The following ACSF3 variants were observed in gnomAD, a reference collection of about 807,000 sequenced individuals.
The protein encoded by ACSF3 is acyl-CoA synthetase family member 3.
Under a neutral mutation model 53.2 loss-of-function variants are expected in ACSF3, and 78 were observed. That is an observed-to-expected ratio of 1.47 (90% CI 1.22 to 1.77). The LOEUF is 1.77. Among genes scored for constraint, ACSF3 ranks in the 40% most tolerant of loss-of-function variants. ACSF3 has a pLI of 0.00. For missense variants in ACSF3, 937 were observed against 771.1 expected, an observed-to-expected ratio of 1.22 and a Z score of -2.55; for synonymous variants, 414 against 333.1, an observed-to-expected ratio of 1.24 and a Z score of -2.65.
intron 3 of ACSF3, among the ~76,000 whole-genome samples, chr16:89,101,767 A>G (rs1363889433): frequency 3.9e-5 from 6 of 152,188 alleles, no homozygotes; most frequent in Admixed American, 2.0e-4. Context: ...GAACTCTCCA[A>G]CCACATCACT....
At chr16:89,131,197 A>G (rs1909253487) in intron 7 of ACSF3, among the ~76,000 whole-genome samples, 1 of 126,304 alleles carries the variant, frequency 7.9e-6, no homozygotes, top group Non-Finnish European at 1.5e-5. Context: ...GCAGGGCTGC[A>G]GTCTTGGTTC....
intron 8 of ACSF3, among the ~76,000 whole-genome samples, chr16:89,139,619 A>G (rs565449307): frequency 1.0e-4 from 13 of 125,218 alleles, no homozygotes; most frequent in African/African-American, 3.8e-4. Flanking sequence ...TTCGAGACAG[A>G]GTCTTGCTCT....
rs1335148800 is a variant in ACSF3, at chr16:89,118,142, T to G, written c.1127-2659T>G. ...ATTCCCTCGGGCGCCGGGGACGCTC[T>G]CTCTTCTCTAAGGCAGAGCCTGACG... On this transcript the variant is annotated intron_variant, in intron 6 of 10. Coordinates refer to ENST00000614302, the MANE Select transcript of ACSF3 (RefSeq NM_001243279.3). Among the ~76,000 whole-genome samples the G allele has an allele frequency of 6.4e-5, 4 of 62,646 alleles. No homozygotes were observed. In the East Asian group the frequency reaches 1.5e-3, roughly 23 times the overall value. 41.1% of individuals were successfully genotyped at this position (62,646 alleles called of 152,430 possible). A position where few individuals can be genotyped will look rare whatever the true frequency, so the allele number is the denominator to read the frequency against.
chr16:89,108,481 C>T (rs757932212), intron 4 of ACSF3, among the ~76,000 whole-genome samples: 22 of 152,192 alleles, frequency 1.4e-4, no homozygotes, highest in Admixed American at 5.9e-4. Context: ...ACAGTTCACA[C>T]ACCGCAAAAT....
chr16:89,136,926 G>A (rs1433559382), intron 8 of ACSF3: 5 of 1,192,914 alleles, frequency 4.2e-6, no homozygotes, highest in African/African-American at 1.6e-5. Context: ...AGACGTCAAA[G>A]GTCTGTCTCA....
intron 8 of ACSF3, among the ~76,000 whole-genome samples, chr16:89,134,349 T>A (rs1909978325): frequency 6.6e-6 from 1 of 152,122 alleles, no homozygotes; most frequent in Admixed American, 6.5e-5. Flanking sequence ...TTCAGCTTGA[T>A]TAGGATGAAC....
rs113629549 is a variant in ACSF3 at position 89,095,904 on chromosome 16, C to T, written c.-194+1908C>T. On this transcript the variant is annotated intron_variant, in intron 1 of 10. Coordinates refer to ENST00000614302, the MANE Select transcript of ACSF3 (RefSeq NM_001243279.3). ...GGACAAAGGCAGCAGCCGTTCAAGT[C>T]GAAGCCTGTGGTGACTAACTCTGCC... Among the ~76,000 whole-genome samples, 13 of 152,294 alleles carry T rather than the reference C, an allele frequency of 8.5e-5. No individual in the cohort carries two copies. The East Asian group carries it at 1.4e-3, about 16-fold the overall frequency.
At chr16:89,119,582 G>A (rs1459627369) in intron 6 of ACSF3, among the ~76,000 whole-genome samples, 2 of 152,218 alleles carry the variant, frequency 1.3e-5, no homozygotes, top group Non-Finnish European at 2.9e-5. Context: ...AAACATAAAG[G>A]AGGAGAAAGG....
chr16:89,126,600 G>C (rs1036671147), intron 7 of ACSF3, among the ~76,000 whole-genome samples: 11 of 152,194 alleles, frequency 7.2e-5, no homozygotes, highest in African/African-American at 2.4e-4. Context: ...GTTTTCAACT[G>C]TTCATTGCTA....
chr16:89,150,450 C>G (rs1913880372), intron 10 of ACSF3: 1 of 153,836 alleles, frequency 6.5e-6, no homozygotes, highest in South Asian at 2.0e-4. Flanking sequence ...AACTGAAGTC[C>G]CGATGCTCCT....
intron 6 of ACSF3, chr16:89,114,932 A>G (rs531266283): frequency 1.9e-4 from 59 of 313,574 alleles, no homozygotes; most frequent in Middle Eastern, 1.2e-3. Flanking sequence ...GGGTGGGATG[A>G]GTCAAGCACC....
At chr16:89,141,413 G>A (rs535657027) in intron 8 of ACSF3, 11 of 961,356 alleles carry the variant, frequency 1.1e-5, no homozygotes, top group African/African-American at 1.0e-4. Context: ...GGGAAGCAGC[G>A]GGGCCGCCCC....
intron 8 of ACSF3, chr16:89,136,510 G>T (rs1446564201): frequency 8.1e-7 from 1 of 1,239,012 alleles, no homozygotes; most frequent in African/African-American, 1.5e-5. Context: ...ATATTAAATA[G>T]AAATCAGGAG....
intron 5 of ACSF3, chr16:89,113,697 G>A (rs1462156467): frequency 5.8e-6 from 1 of 173,090 alleles, no homozygotes; most frequent in African/African-American, 2.4e-5. Context: ...TACTGCCCGT[G>A]AGGCTGCGGG....
rs768148002 is a variant in ACSF3, at chr16:89,120,871, C to T, written c.1197C>T (p.Cys399=). The part of the protein sequence containing the change: ...IVSENPQREA[C]SYTIHAEGDE... ...CAGAAAACCCACAGAGGGAAGCCTG[C>T]TCCTACACCATCCACGCAGAGGGAG... Residue 399 remains cysteine (C), a synonymous_variant, in exon 7 of 11, where the codon TGC becomes TGT. Transcript: ENST00000614302. The T allele has an allele frequency of 6.1e-5, 99 of 1,614,006 alleles. No individual in the cohort carries two copies. The highest frequency in any genetic ancestry group is 4.3e-4 in the Admixed American group (26 of 60,016).
At chr16:89,136,520 G>A (rs1299981235) in intron 8 of ACSF3, 8 of 1,249,142 alleles carry the variant, frequency 6.4e-6, no homozygotes, top group Non-Finnish European at 8.3e-6. Flanking sequence ...GAAATCAGGA[G>A]AAATTAAACT....
At chr16:89,100,122 C>A (rs1476526912) in intron 2 of ACSF3, among the ~76,000 whole-genome samples, 1 of 152,242 alleles carries the variant, frequency 6.6e-6, no homozygotes, top group African/African-American at 2.4e-5. Context: ...GCCTGGGCGA[C>A]ACAGCAAGAC....
intron 8 of ACSF3, among the ~76,000 whole-genome samples, chr16:89,141,882 G>A (rs1051751815): frequency 6.6e-6 from 1 of 152,210 alleles, no homozygotes; most frequent in African/African-American, 2.4e-5. Flanking sequence ...CACAAGTTCT[G>A]GGCACAGAAG....
intron 8 of ACSF3, chr16:89,141,412 C>T (rs1377694000): frequency 6.3e-6 from 6 of 957,042 alleles, no homozygotes; most frequent in African/African-American, 3.4e-5. Context: ...AGGGAAGCAG[C>T]GGGGCCGCCC....
Sources: gnomAD v4.1 joint callset for allele counts (sites outside exome capture counted in the v4.1 genomes callset) on GRCh38, gnomAD v4.1.1 for gene constraint, MANE v1.5 for transcripts, NCBI Gene and HGNC (gene_info 2026-07-23, HGNC 2026-07-21) for gene names.